The following MBNL2 variants were observed in gnomAD, a reference collection of about 807,000 sequenced individuals.
MBNL2 encodes muscleblind like splicing regulator 2, also known as muscleblind-like protein 2.
Under a neutral mutation model 41.9 loss-of-function variants are expected in MBNL2, and 17 were observed. The observed-to-expected ratio is 0.41, with a 90% confidence interval of 0.28 to 0.61. The LOEUF (loss-of-function observed/expected upper bound fraction) is 0.61, where lower values mean the gene tolerates loss of function less well. MBNL2 is among the 20% of genes least tolerant of loss of function. The probability of loss-of-function intolerance (pLI) is 0.35; values close to 1 mark genes in which losing one functional copy is unlikely to be tolerated. For missense variants in MBNL2, 336 were observed against 505.6 expected (o/e 0.66, Z 3.22); for synonymous variants, 195 against 182.9 (o/e 1.07, Z -0.53).
At chr13:97,349,930 G>A (rs1307212070) in intron 5 of MBNL2, among the ~76,000 whole-genome samples, 1 of 152,152 alleles carries the variant, frequency 6.6e-6, no homozygotes, top group African/African-American at 2.4e-5. Flanking sequence ...ATTAGGTATT[G>A]GGGCAGGGGA....
At chr13:97,224,205 C>A (rs982141667) in intron 1 of MBNL2, among the ~76,000 whole-genome samples, 1 of 152,200 alleles carries the variant, frequency 6.6e-6, no homozygotes, top group African/African-American at 2.4e-5. Flanking sequence ...GGATGGTCCC[C>A]GGGGCCCTAT....
At chr13:97,193,635 G>A in the MBNL2 span, among the ~76,000 whole-genome samples, 5 of 152,184 alleles carry the variant, frequency 3.3e-5, no homozygotes, top group Non-Finnish European at 7.4e-5. Context: ...TCAAGGTAAA[G>A]TGACTCTGGC....
chr13:97,242,618 G>A (rs1157336737), intron 1 of MBNL2, among the ~76,000 whole-genome samples: 1 of 152,134 alleles, frequency 6.6e-6, no homozygotes, highest in Non-Finnish European at 1.5e-5. Flanking sequence ...CCCAGTCCCC[G>A]AGAAATGTAG....
intron 1 of MBNL2, among the ~76,000 whole-genome samples, chr13:97,232,648 G>A (rs1206236908): frequency 3.9e-5 from 6 of 152,204 alleles, no homozygotes; most frequent in Admixed American, 1.3e-4. Context: ...AAACTTCCCC[G>A]ACAGTTGTAA....
chr13:97,282,948 C>A (rs530893864), intron 2 of MBNL2, among the ~76,000 whole-genome samples: 3 of 152,350 alleles, frequency 2.0e-5, no homozygotes, highest in South Asian at 2.1e-4. Flanking sequence ...GAAACCCTTA[C>A]AACTTTTCCA....
chr13:97,295,583 G>GT (rs2056883651), intron 2 of MBNL2, among the ~76,000 whole-genome samples: 1 of 152,126 alleles, frequency 6.6e-6, no homozygotes, highest in African/African-American at 2.4e-5. Context: ...TATCAAAAGG[G>GT]TGTTGAGCTG....
intron 1 of MBNL2, among the ~76,000 whole-genome samples, chr13:97,262,865 G>A (rs2048908344): frequency 6.6e-6 from 1 of 152,154 alleles, no homozygotes; most frequent in Non-Finnish European, 1.5e-5. Context: ...CTGGGTTCAA[G>A]CAATTCTCCT....
the MBNL2 span, among the ~76,000 whole-genome samples, chr13:97,184,137 T>C: frequency 1.1e-4 from 17 of 152,118 alleles, no homozygotes; most frequent in Non-Finnish European, 2.5e-4. Flanking sequence ...CATAGCTTGT[T>C]AGGGGGAGAA....
At chr13:97,240,144 C>CA (rs2044000705) in intron 1 of MBNL2, among the ~76,000 whole-genome samples, 3 of 152,150 alleles carry the variant, frequency 2.0e-5, no homozygotes, top group Admixed American at 6.5e-5. Context: ...GATTCTGACT[C>CA]GGGGAGTCTG....
intron 3 of MBNL2, among the ~76,000 whole-genome samples, chr13:97,335,101 G>A (rs2060765068): frequency 6.6e-6 from 1 of 152,180 alleles, no homozygotes; most frequent in Admixed American, 6.5e-5. Context: ...AAGACCAAAT[G>A]CCGGAGGGAC....
the MBNL2 span, among the ~76,000 whole-genome samples, chr13:97,152,709 TAAAG>T: frequency 6.6e-6 from 1 of 152,138 alleles, no homozygotes; most frequent in Admixed American, 6.5e-5. Flanking sequence ...GAGGATAAAA[TAAAG>T]ACATTGTCAG....
At chr13:97,202,740 T>C in the MBNL2 span, among the ~76,000 whole-genome samples, 1 of 152,204 alleles carries the variant, frequency 6.6e-6, no homozygotes, top group Admixed American at 6.5e-5. Context: ...CTGTAGAACG[T>C]AGAACGGAAA....
intron 1 of MBNL2, among the ~76,000 whole-genome samples, chr13:97,257,287 G>A (rs867783535): frequency 5.9e-5 from 9 of 152,086 alleles, no homozygotes; most frequent in South Asian, 4.1e-4. Context: ...AAGCCTGCAC[G>A]TAGGAACTCA....
At chr13:97,226,111 G>A (rs1038372925) in intron 1 of MBNL2, among the ~76,000 whole-genome samples, 4 of 152,120 alleles carry the variant, frequency 2.6e-5, no homozygotes, top group African/African-American at 9.7e-5. Flanking sequence ...TGCGTGGCTG[G>A]GTCTGCATCA....
intron 3 of MBNL2, among the ~76,000 whole-genome samples, chr13:97,337,265 T>TG (rs34924766): frequency 2.0e-4 from 31 of 152,300 alleles, no homozygotes; most frequent in Non-Finnish European, 3.7e-4. Context: ...CACCTTGATT[T>TG]GGGGGGTTCC....
At position 97,366,724 on chromosome 13, in the gene MBNL2, A is replaced by T; in HGVS notation, c.1048+1553A>T. The T allele has an allele frequency of 1.5e-6, 1 of 677,486 alleles. No individual in the cohort carries two copies. The highest frequency in any genetic ancestry group is 1.6e-5 in the South Asian group (1 of 61,804). The allele number at this position is 677,486 out of a possible 1,614,324, so 42.0% of individuals were successfully genotyped here. ...AGACAGGTTGCACTTATTTAGAGTT[A>T]ACATTTACTGCAAATAATGATGTAG... On this transcript the variant is annotated intron_variant, in intron 8 of 8. Transcript: ENST00000679496. The surrounding 1 kb of genome is among the most constrained non-coding windows in gnomAD (Gnocchi z 4.7).
intron 2 of MBNL2, among the ~76,000 whole-genome samples, chr13:97,326,044 C>T (rs2153048464): frequency 6.6e-6 from 1 of 152,274 alleles, no homozygotes; most frequent in South Asian, 2.1e-4. Flanking sequence ...CTCAGATTTG[C>T]AACTCCCTTG....
At chr13:97,185,260 C>G in the MBNL2 span, among the ~76,000 whole-genome samples, 1 of 152,140 alleles carries the variant, frequency 6.6e-6, no homozygotes, top group Non-Finnish European at 1.5e-5. Flanking sequence ...GTAAATAATT[C>G]ACATCACTGA....
intron 2 of MBNL2, among the ~76,000 whole-genome samples, chr13:97,300,597 G>A (rs2057520362): frequency 6.6e-6 from 1 of 152,246 alleles, no homozygotes; most frequent in South Asian, 2.1e-4. Context: ...CTAACTCAGA[G>A]TCCGTAATAC....
Sources: gnomAD v4.1 joint callset for allele counts (sites outside exome capture counted in the v4.1 genomes callset) on GRCh38, gnomAD v4.1.1 for gene constraint, Gnocchi (gnomAD v3.1) non-coding constraint, MANE v1.5 for transcripts, NCBI Gene and HGNC (gene_info 2026-07-23, HGNC 2026-07-21) for gene names.